The following OXNAD1 variants were observed in gnomAD, a reference collection of about 807,000 sequenced individuals.
OXNAD1 encodes the protein oxidoreductase NAD-binding domain-containing protein 1.
A neutral mutation model predicts 32.9 loss-of-function variants in OXNAD1; 34 were observed. That is an observed-to-expected ratio of 1.03 (90% CI 0.79 to 1.38). OXNAD1 has a LOEUF of 1.38. OXNAD1 is among the 40% of genes most tolerant of loss of function. OXNAD1 has a pLI of 0.00. For synonymous variants in OXNAD1, 134 were observed against 135.2 expected (o/e 0.99, Z 0.06); for missense variants, 407 against 379.4 (o/e 1.07, Z -0.60).
downstream of OXNAD1, among the ~76,000 whole-genome samples, chr3:16,341,445 A>G (rs2071312199): frequency 1.3e-5 from 2 of 152,220 alleles, no homozygotes; most frequent in Admixed American, 6.5e-5. The surrounding 1 kb of genome is among the most constrained non-coding windows in gnomAD (Gnocchi z 4.7). Context: ...CAGTGGAACC[A>G]TACAATGAAA....
intron 4 of OXNAD1, chr3:16,275,968 A>G (rs1051135515): frequency 6.5e-6 from 1 of 153,534 alleles, no homozygotes; most frequent in Non-Finnish European, 1.5e-5. Flanking sequence ...TCCATATTTT[A>G]GTTAACTGAT....
downstream of OXNAD1, among the ~76,000 whole-genome samples, chr3:16,310,032 T>C (rs185668345): frequency 6.6e-6 from 1 of 152,346 alleles, no homozygotes; most frequent in Admixed American, 6.5e-5. Context: ...AAAAGTTTGG[T>C]TTGATACAGG....
In OXNAD1 at chr3:16,337,058, G is replaced by C. The variant is rs552641472; in HGVS notation, c.*31-54G>C. 1.3e-5 allele frequency: 2 copies of C among 152,234 alleles called. No homozygotes were observed. The highest frequency in any genetic ancestry group is 2.9e-5 in the Non-Finnish European group (2 of 68,042). The allele number at this position is 152,234 out of a possible 1,614,324, so 9.4% of individuals were successfully genotyped here. On this transcript the variant is annotated intron_variant, in intron 9 of 9. Transcript: ENST00000435829. The surrounding 1 kb of genome is among the most constrained non-coding windows in gnomAD (Gnocchi z 5.0). ...TAGGATATGGCAGATGTGACATTAC[G>C]GTCATCCTGAACCTAGGCCTCAAGG...
chr3:16,323,987 G>A (rs1330554292), intron 9 of OXNAD1, among the ~76,000 whole-genome samples: 1 of 152,198 alleles, frequency 6.6e-6, no homozygotes, highest in Non-Finnish European at 1.5e-5. Flanking sequence ...ACCAGCTCTG[G>A]CTCACATGCG....
At position 16,320,083 on chromosome 3, in the gene OXNAD1, A is replaced by G. The variant is rs2068873909; in HGVS notation, c.*30+16491A>G. ...GAAAAAAAGAAATCCTTCACTTTAC[A>G]GCAGTGTGTGTCCAGAGTTCCATGT... On this transcript the variant is annotated intron_variant, in intron 9 of 9. Coordinates refer to the OXNAD1 transcript ENST00000435829. This position sits in a 1 kb window ranked among gnomAD's most constrained non-coding sequence, Gnocchi z 4.5. 6.6e-6 allele frequency among the ~76,000 whole-genome samples: 1 copy of G among 152,246 alleles called. No homozygotes were observed. Among genetic ancestry groups the G allele is most frequent in the Non-Finnish European group, 1.5e-5 (1 of 68,034 alleles).
In OXNAD1 at chr3:16,329,141, G is replaced by C. The variant is rs766487008; in HGVS notation, c.*31-7971G>C. 6.6e-6 allele frequency among the ~76,000 whole-genome samples: 1 copy of C among 152,238 alleles called. No homozygotes were observed. The highest frequency in any genetic ancestry group is 1.5e-5 in the Non-Finnish European group (1 of 68,038). ...CAAAGGGCTTGAGGCTACAAGTTCA[G>C]TCTCCTGCTCTCTCCCCTCTTTTCT... On this transcript the variant is annotated intron_variant, in intron 9 of 9. Transcript: ENST00000435829. This position sits in a 1 kb window ranked among gnomAD's most constrained non-coding sequence, Gnocchi z 4.5.
In OXNAD1 at chr3:16,319,938, C is replaced by T. The variant is rs141760957; in HGVS notation, c.*30+16346C>T. ...CGGGGGAGTCTCTGAGCTTAACCAG[C>T]AAGCCGCAGATAAAACAGGTTGCAC... is the stretch of plus-strand genomic sequence containing the variant. On this transcript the variant is annotated intron_variant, in intron 9 of 9. Transcript: ENST00000435829. 1.6e-3 allele frequency among the ~76,000 whole-genome samples: 238 copies of T among 152,156 alleles called. 1 individual carries two copies. The highest frequency in any genetic ancestry group is 4.8e-3 in the Admixed American group (73 of 15,304).
Position 16,320,606 on chromosome 3 carries a change from C to T in OXNAD1, c.*31-16506C>T, listed in dbSNP as rs192352014. 1.3e-5 allele frequency among the ~76,000 whole-genome samples: 2 copies of T among 152,310 alleles called. No individual in the cohort carries two copies. Among genetic ancestry groups the T allele is most frequent in the Non-Finnish European group, 2.9e-5 (2 of 68,028 alleles). On this transcript the variant is annotated intron_variant, in intron 9 of 9. Coordinates refer to the OXNAD1 transcript ENST00000435829. This position sits in a 1 kb window ranked among gnomAD's most constrained non-coding sequence, Gnocchi z 4.5. ...AAAGGAGAGCTCTGAAGGAGAAGAA[C>T]GTGGTTCTTTTCCAGGGTAGTACAA...
At position 16,334,872 on chromosome 3, in the gene OXNAD1, C is replaced by T. The variant is rs1447216977; in HGVS notation, c.*31-2240C>T. Among the ~76,000 whole-genome samples the T allele has an allele frequency of 1.3e-5, 2 of 152,088 alleles. No homozygotes were observed. The highest frequency in any genetic ancestry group is 1.5e-5 in the Non-Finnish European group (1 of 68,024). On this transcript the variant is annotated intron_variant, in intron 9 of 9. Coordinates refer to the OXNAD1 transcript ENST00000435829. The surrounding 1 kb of genome is among the most constrained non-coding windows in gnomAD (Gnocchi z 4.3). ...GTGTGCCCAGTATAATCACAGGGGT[C>T]CTTATAAGGACAGGCAGGAAGGCCA...
intron 6 of OXNAD1, among the ~76,000 whole-genome samples, chr3:16,295,449 C>T (rs899024909): frequency 6.6e-6 from 1 of 152,112 alleles, no homozygotes; most frequent in Non-Finnish European, 1.5e-5. Context: ...GCCATTGCCT[C>T]TCTATTTCAG....
At chr3:16,308,925 TTAAA>T (rs201932694), downstream of OXNAD1, among the ~76,000 whole-genome samples, 1,218 of 152,322 alleles carry the variant, frequency 8.0e-3, 36 homozygotes, top group Admixed American at 0.051. The surrounding 1 kb of genome is among the most constrained non-coding windows in gnomAD (Gnocchi z 4.4). Context: ...CCAAAAATTG[TTAAA>T]TAATTTTTTA....
intron 5 of OXNAD1, among the ~76,000 whole-genome samples, chr3:16,294,267 A>G (rs891491463): frequency 6.6e-6 from 1 of 151,610 alleles, no homozygotes. Context: ...CAGTGGCGCA[A>G]TCTTGGCTCA....
At chr3:16,292,997 T>C (rs946671251) in intron 5 of OXNAD1, among the ~76,000 whole-genome samples, 15 of 152,218 alleles carry the variant, frequency 9.9e-5, no homozygotes, top group African/African-American at 3.6e-4. Context: ...ATTGTTTTGA[T>C]GATTATGGGT....
At chr3:16,310,083 G>T (rs2067861895), downstream of OXNAD1, among the ~76,000 whole-genome samples, 1 of 152,184 alleles carries the variant, frequency 6.6e-6, no homozygotes, top group Non-Finnish European at 1.5e-5. Context: ...CTGGAGTCAG[G>T]GCTCAAGAGA....
At position 16,336,271 on chromosome 3, in the gene OXNAD1, CTCTG is replaced by C. The variant is rs2070839182; in HGVS notation, c.*31-835_*31-832del. Among the ~76,000 whole-genome samples the C allele has an allele frequency of 1.3e-5, 2 of 152,362 alleles. No homozygotes were observed. Among genetic ancestry groups the C allele is most frequent in the East Asian group, 3.9e-4 (2 of 5,188 alleles). On this transcript the variant is annotated intron_variant, in intron 9 of 9. Transcript: ENST00000435829. The surrounding 1 kb of genome is among the most constrained non-coding windows in gnomAD (Gnocchi z 6.0). ...TGAATCTCACATTCAGTCAGCCTGG[CTCTG>C]TCTGTGCCACTTGGGAAGCCTCTTC...
chr3:16,323,527 G>T, intron 9 of OXNAD1: 2 of 1,105,888 alleles, frequency 1.8e-6, no homozygotes, highest in Non-Finnish European at 2.7e-6. Context: ...CACAGATGTT[G>T]CCATCCCTAA....
At chr3:16,279,039 G>T (rs1409913084) in intron 4 of OXNAD1, among the ~76,000 whole-genome samples, 1 of 152,206 alleles carries the variant, frequency 6.6e-6, no homozygotes, top group Non-Finnish European at 1.5e-5. Context: ...TTTTCAACAT[G>T]CACTGTTTCT....
intron 4 of OXNAD1, among the ~76,000 whole-genome samples, chr3:16,272,804 G>C (rs1318720055): frequency 2.0e-5 from 3 of 151,484 alleles, no homozygotes; most frequent in African/African-American, 4.9e-5. Flanking sequence ...GTAAATGTGA[G>C]ACTTGTTAGG....
rs2071562089 is a variant in OXNAD1, at chr3:16,345,250, T to A, written c.*31-3926T>A. On this transcript the variant is annotated intron_variant, in intron 9 of 9. Transcript: ENST00000606098. The surrounding 1 kb of genome is among the most constrained non-coding windows in gnomAD (Gnocchi z 5.2). ...TTTCTGGCCCACAGAAACTGTAAGA[T>A]AATAAGTAGGTGGTTGTGTGTGTGT... 7.4e-6 allele frequency: 1 copy of A among 134,514 alleles called. No individual in the cohort carries two copies. Among genetic ancestry groups the A allele is most frequent in the Non-Finnish European group, 1.5e-5 (1 of 66,446 alleles). 8.3% of individuals were successfully genotyped at this position (134,514 alleles called of 1,614,324 possible).
Sources: gnomAD v4.1 joint callset for allele counts (sites outside exome capture counted in the v4.1 genomes callset) on GRCh38, gnomAD v4.1.1 for gene constraint, Gnocchi (gnomAD v3.1) non-coding constraint, MANE v1.5 for transcripts, NCBI Gene and HGNC (gene_info 2026-07-23, HGNC 2026-07-21) for gene names.